The following NARS2 variants were observed in gnomAD, a reference collection of about 807,000 sequenced individuals.
NARS2 encodes the protein asparaginyl-tRNA synthetase.
In NARS2, 60 loss-of-function variants were observed where a neutral mutation model predicts 62.9. The observed-to-expected ratio is 0.95, with a 90% CI of 0.77 to 1.18. The LOEUF (loss-of-function observed/expected upper bound fraction) is 1.18. Among genes scored for constraint, NARS2 ranks in the 50% most tolerant of loss-of-function variants. NARS2 has a pLI of 0.00. For synonymous variants in NARS2, 196 were observed against 200.0 expected, an observed-to-expected ratio of 0.98 and a Z score of 0.17; for missense variants, 619 against 576.4, an observed-to-expected ratio of 1.07 and a Z score of -0.76.
intron 9 of NARS2, among the ~76,000 whole-genome samples, chr11:78,476,463 G>A (rs1859101187): frequency 6.6e-6 from 1 of 152,210 alleles, no homozygotes; most frequent in South Asian, 2.1e-4. Context: ...TTAGGGAAGG[G>A]AGGATTCAGT....
intron 5 of NARS2, among the ~76,000 whole-genome samples, chr11:78,556,307 A>G (rs1309172468): frequency 6.6e-6 from 1 of 152,170 alleles, no homozygotes; most frequent in Non-Finnish European, 1.5e-5. Context: ...ATTCCATACC[A>G]CTTATAACTG....
At chr11:78,478,763 AT>A (rs1157125924) in intron 7 of NARS2, 80 bp from the exon 8 acceptor site, 8 of 725,560 alleles carry the variant, frequency 1.1e-5, no homozygotes, top group Non-Finnish European at 1.6e-5. Flanking sequence ...TAAGGACCGC[AT>A]TCCAGGCTTT....
intron 6 of NARS2, among the ~76,000 whole-genome samples, chr11:78,528,026 A>G (rs1397228234): frequency 6.6e-6 from 1 of 152,190 alleles, no homozygotes; most frequent in African/African-American, 2.4e-5. Context: ...CAGGAAGATC[A>G]CTTGAGCCTA....
chr11:78,500,240 T>C (rs1341961764), intron 6 of NARS2, among the ~76,000 whole-genome samples: 1 of 152,178 alleles, frequency 6.6e-6, no homozygotes, highest in African/African-American at 2.4e-5. Flanking sequence ...GCTGAAATCA[T>C]GGCTCCTCCA....
At chr11:78,549,341 G>A (rs1198787259) in intron 5 of NARS2, among the ~76,000 whole-genome samples, 1 of 152,196 alleles carries the variant, frequency 6.6e-6, no homozygotes, top group African/African-American at 2.4e-5. Context: ...CGCCAGCACT[G>A]GAGCCTGACT....
At chr11:78,441,810 A>G (rs896667918) in intron 12 of NARS2, among the ~76,000 whole-genome samples, 2 of 152,214 alleles carry the variant, frequency 1.3e-5, no homozygotes, top group African/African-American at 4.8e-5. Context: ...TCATTCTTCA[A>G]CATTAAAACA....
chr11:78,444,861 C>T (rs1299969658), intron 11 of NARS2, among the ~76,000 whole-genome samples: 1 of 152,024 alleles, frequency 6.6e-6, no homozygotes, highest in African/African-American at 2.4e-5. Context: ...ACTGATACAA[C>T]TTTTCTGGTC....
chr11:78,543,728 C>T (rs1430141443), intron 5 of NARS2, among the ~76,000 whole-genome samples: 1 of 152,060 alleles, frequency 6.6e-6, no homozygotes, highest in Non-Finnish European at 1.5e-5. Flanking sequence ...GCATAAGCTA[C>T]TTTCTAAATA....
intron 13 of NARS2, among the ~76,000 whole-genome samples, chr11:78,437,467 A>G (rs1350356702): frequency 6.6e-6 from 1 of 152,206 alleles, no homozygotes; most frequent in Non-Finnish European, 1.5e-5. Context: ...AGAGTCATTT[A>G]GCTGACATGC....
At chr11:78,511,437 G>A (rs999780228) in intron 6 of NARS2, among the ~76,000 whole-genome samples, 1 of 152,136 alleles carries the variant, frequency 6.6e-6, no homozygotes, top group Non-Finnish European at 1.5e-5. Flanking sequence ...GTCAAAACAG[G>A]CCAGGCGCAG....
chr11:78,496,105 A>C (rs919063577), intron 6 of NARS2, among the ~76,000 whole-genome samples: 1 of 152,092 alleles, frequency 6.6e-6, no homozygotes, highest in African/African-American at 2.4e-5. Context: ...GTAAGAACTA[A>C]TGACCACAGT....
intron 6 of NARS2, among the ~76,000 whole-genome samples, chr11:78,498,242 T>C (rs1860139288): frequency 6.6e-6 from 1 of 152,000 alleles, no homozygotes. Flanking sequence ...CAGTAAGCAG[T>C]GACCAGATTT....
chr11:78,515,781 C>T (rs1860887734), intron 6 of NARS2, among the ~76,000 whole-genome samples: 1 of 152,190 alleles, frequency 6.6e-6, no homozygotes, highest in Non-Finnish European at 1.5e-5. Flanking sequence ...GCCTCGGCCT[C>T]CCAAAGCCCT....
chr11:78,532,599 C>A (rs1179476105), intron 5 of NARS2, among the ~76,000 whole-genome samples: 1 of 152,208 alleles, frequency 6.6e-6, no homozygotes, highest in Non-Finnish European at 1.5e-5. Context: ...GGGCAAGTCA[C>A]TACAACTTTT....
At chr11:78,498,503 A>C (rs1174896614) in intron 6 of NARS2, among the ~76,000 whole-genome samples, 1 of 152,110 alleles carries the variant, frequency 6.6e-6, no homozygotes, top group East Asian at 1.9e-4. Context: ...ACTGGCACAC[A>C]CAAATTTATA....
intron 11 of NARS2, among the ~76,000 whole-genome samples, chr11:78,448,742 T>C (rs1409145104): frequency 6.6e-6 from 1 of 152,130 alleles, no homozygotes; most frequent in African/African-American, 2.4e-5. Context: ...ATGAGACTGG[T>C]GGCCAGTGAT....
chr11:78,507,108 CAG>C (rs1860531439), intron 6 of NARS2, among the ~76,000 whole-genome samples: 1 of 152,076 alleles, frequency 6.6e-6, no homozygotes, highest in Non-Finnish European at 1.5e-5. Flanking sequence ...TTTCTAATCA[CAG>C]AGATACAGAG....
At chr11:78,529,015 TA>T in intron 5 of NARS2, 79 bp from the exon 6 acceptor site, 1 of 908,280 alleles carries the variant, frequency 1.1e-6, no homozygotes, top group Non-Finnish European at 1.8e-6. Context: ...ATGTCACAAC[TA>T]AAAATCACAA....
chr11:78,550,189 A>C (rs963467542), intron 5 of NARS2, among the ~76,000 whole-genome samples: 2 of 152,216 alleles, frequency 1.3e-5, no homozygotes, highest in African/African-American at 4.8e-5. Context: ...TTTCTCAAGC[A>C]GGCCACTTTT....
Sources: allele counts gnomAD v4.1 joint callset (sites outside exome capture counted in the v4.1 genomes callset), GRCh38; gene constraint gnomAD v4.1.1; transcripts MANE v1.5; gene names NCBI Gene and HGNC (gene_info 2026-07-23, HGNC 2026-07-21).